Variants in PVT1 observed in about 807,000 individuals in gnomAD.
The protein encoded by PVT1 is Pvt1 oncogene.
intron 3 of PVT1, chr8:127,940,590 T>TTG (rs1208469791): frequency 2.9e-5 from 4 of 139,868 alleles, no homozygotes; most frequent in Admixed American, 6.9e-5. Flanking sequence ...CATAGTTTTT[T>TTG]TGTGGGGGGG....
chr8:128,022,527 G>T (rs1817450018), intron 4 of PVT1, among the ~76,000 whole-genome samples: 1 of 152,238 alleles, frequency 6.6e-6, no homozygotes, highest in Non-Finnish European at 1.5e-5. Flanking sequence ...GCACACATAA[G>T]ATGCACTGAA....
At chr8:127,819,779 A>G (rs902180336) in intron 2 of PVT1, among the ~76,000 whole-genome samples, 8 of 152,134 alleles carry the variant, frequency 5.3e-5, no homozygotes, top group Non-Finnish European at 1.0e-4. Flanking sequence ...ACTACTTTGC[A>G]TTTTCCTGGA....
chr8:127,831,778 T>C (rs993884528), intron 2 of PVT1, among the ~76,000 whole-genome samples: 2 of 152,190 alleles, frequency 1.3e-5, no homozygotes, highest in Non-Finnish European at 1.5e-5. Context: ...GAAGTGACTG[T>C]TAGATTTGGC....
At chr8:128,015,741 C>T (rs1817365191) in intron 4 of PVT1, among the ~76,000 whole-genome samples, 1 of 148,426 alleles carries the variant, frequency 6.7e-6, no homozygotes, top group South Asian at 2.1e-4. Flanking sequence ...CCACTGCACT[C>T]CAGCCTGGTG....
At chr8:128,056,865 A>C (rs905638165) in intron 4 of PVT1, among the ~76,000 whole-genome samples, 2 of 152,196 alleles carry the variant, frequency 1.3e-5, no homozygotes, top group South Asian at 4.1e-4. Flanking sequence ...TTGCCCCAGC[A>C]GTATCTTCTT....
At chr8:127,886,991 A>G (rs1295106059) in intron 2 of PVT1, among the ~76,000 whole-genome samples, 1 of 152,208 alleles carries the variant, frequency 6.6e-6, no homozygotes, top group Admixed American at 6.5e-5. Flanking sequence ...TCAGTAATCT[A>G]AGACTTCAAA....
intron 3 of PVT1, among the ~76,000 whole-genome samples, chr8:127,894,548 C>T (rs182328429): frequency 7.9e-5 from 12 of 152,242 alleles, no homozygotes; most frequent in Admixed American, 3.3e-4. Context: ...TTTTCCAAAG[C>T]GTGCTGATGA....
intron 3 of PVT1, among the ~76,000 whole-genome samples, chr8:127,913,902 C>A (rs1012349807): frequency 3.7e-4 from 57 of 152,042 alleles, no homozygotes; most frequent in Non-Finnish European, 1.9e-4. Context: ...GGTTTGGGGC[C>A]ACACACATGG....
chr8:127,932,507 C>T, intron 3 of PVT1: 1 of 398,518 alleles, frequency 2.5e-6, no homozygotes, highest in Non-Finnish European at 4.4e-6. Context: ...CCCGTTTATT[C>T]CTCCCAGCAC....
intron 4 of PVT1, among the ~76,000 whole-genome samples, chr8:128,040,310 G>C (rs1033426397): frequency 3.9e-5 from 6 of 152,242 alleles, no homozygotes; most frequent in African/African-American, 1.4e-4. Flanking sequence ...GAGGAAATGG[G>C]AAGTGGGAAT....
chr8:127,962,254 C>A (rs756913359), intron 3 of PVT1, among the ~76,000 whole-genome samples: 1 of 152,188 alleles, frequency 6.6e-6, no homozygotes, highest in African/African-American at 2.4e-5. Flanking sequence ...CGTGAGCCAC[C>A]GCTCCCGGCC....
chr8:128,043,989 G>A (rs1300663757), intron 4 of PVT1, among the ~76,000 whole-genome samples: 1 of 145,440 alleles, frequency 6.9e-6, no homozygotes, highest in Non-Finnish European at 1.5e-5. Flanking sequence ...ATCACACCCG[G>A]TTAATTTTTT....
chr8:127,984,857 CTTTCTTTCTTTCT>C lies in PVT1; in HGVS notation n.783-4302_783-4290del, dbSNP rs1563657378. Among the ~76,000 whole-genome samples, 51 of 43,190 alleles carry C rather than the reference CTTTCTTTCTTTCT, an allele frequency of 1.2e-3. 2 individuals carry two copies. The highest frequency in any genetic ancestry group is 3.3e-3 in the African/African-American group (50 of 15,020). The allele number at this position is 43,190 out of a possible 152,430, so 28.3% of individuals were successfully genotyped here. ...TTTTCTTTTCTTTCTTTCTTTCTTT[CTTTCTTTCTTTCT>C]TTCTTTCTTTCTTTCTTTCTTTCTT... On this transcript the variant is annotated intron_variant and non_coding_transcript_variant, in intron 3 of 10. Coordinates refer to ENST00000651587, the Ensembl canonical transcript of PVT1.
At chr8:127,952,188 C>T (rs1397425709) in intron 3 of PVT1, among the ~76,000 whole-genome samples, 1 of 152,234 alleles carries the variant, frequency 6.6e-6, no homozygotes, top group Non-Finnish European at 1.5e-5. Flanking sequence ...CAATGCCTGG[C>T]TCACGACCGA....
intron 2 of PVT1, among the ~76,000 whole-genome samples, chr8:127,860,298 A>C (rs1815208422): frequency 6.6e-6 from 1 of 152,226 alleles, no homozygotes; most frequent in African/African-American, 2.4e-5. Context: ...CTCCTCTGCC[A>C]GGAACCGCCA....
chr8:127,999,330 A>G (rs1309956944), intron 4 of PVT1: 2 of 152,206 alleles, frequency 1.3e-5, no homozygotes, highest in Non-Finnish European at 2.9e-5. Context: ...ACATAAATAA[A>G]TAAATGTGTG....
chr8:127,996,966 A>G (rs1302310666), intron 4 of PVT1, among the ~76,000 whole-genome samples: 1 of 151,450 alleles, frequency 6.6e-6, no homozygotes, highest in African/African-American at 2.4e-5. Context: ...ATTGCTGTCC[A>G]TCAGTCTTCC....
intron 5 of PVT1, among the ~76,000 whole-genome samples, chr8:128,072,343 G>A (rs1325013052): frequency 6.6e-6 from 1 of 152,150 alleles, no homozygotes; most frequent in Non-Finnish European, 1.5e-5. Context: ...GCATGCATGG[G>A]ATGGAAAAGA....
rs71568675 is a variant in PVT1 at position 128,087,747 on chromosome 8, CTTTTTT to C, written n.1115-8753_1115-8748del. On this transcript the variant is annotated intron_variant and non_coding_transcript_variant, in intron 5 of 10. Coordinates refer to ENST00000651587, the Ensembl canonical transcript of PVT1. ...CTCTGCTGACATTCCTGATGTGCTACTTTTTTTTTTTTTTTTTTTTTTTGAGATGGA... is the reference window on the plus strand; with the variant it reads ...CTCTGCTGACATTCCTGATGTGCTACTTTTTTTTTTTTTTTTTGAGATGGA... Among the ~76,000 whole-genome samples the C allele has an allele frequency of 2.6e-4, 20 of 76,610 alleles. 1 individual carries two copies. Among genetic ancestry groups the C allele is most frequent in the African/African-American group, 8.8e-4 (18 of 20,464 alleles). 50.3% of individuals were successfully genotyped at this position (76,610 alleles called of 152,430 possible). A position where few individuals can be genotyped will look rare whatever the true frequency, so the allele number is the denominator to read the frequency against.
Sources: gnomAD v4.1 joint callset for allele counts (sites outside exome capture counted in the v4.1 genomes callset) on GRCh38, gnomAD v4.1.1 for gene constraint, MANE v1.5 for transcripts, NCBI Gene and HGNC (gene_info 2026-07-23, HGNC 2026-07-21) for gene names.